Variants in RICTOR observed in about 807,000 individuals in gnomAD.
RICTOR encodes RPTOR independent companion of MTOR complex 2, also known as rapamycin-insensitive companion of mTOR.
Under a neutral mutation model 214.9 loss-of-function variants are expected in RICTOR, and 49 were observed. The observed-to-expected ratio is 0.23, with a 90% CI of 0.18 to 0.29. The LOEUF (loss-of-function observed/expected upper bound fraction) is 0.29. Ranked by LOEUF, RICTOR falls within the 10% of genes least tolerant of loss-of-function variation. RICTOR has a pLI of 1.00. For synonymous variants in RICTOR, 717 were observed against 711.3 expected (o/e 1.01, Z -0.13); for missense variants, 1,625 against 2,047.0 (o/e 0.79, Z 3.98).
intron 7 of RICTOR, among the ~76,000 whole-genome samples, 167 bp downstream of exon 7, chr5:38,990,782 A>ATATATGAGATATATGATATATAT (rs1561503147): frequency 9.4e-6 from 1 of 106,948 alleles, no homozygotes; most frequent in Non-Finnish European, 1.9e-5. Context: ...GATATATATG[A>ATATATGAGATATATGATATATAT]GATATATGAG....
At chr5:39,064,718 T>G (rs1758779379) in intron 2 of RICTOR, among the ~76,000 whole-genome samples, 1 of 152,170 alleles carries the variant, frequency 6.6e-6, no homozygotes, top group Admixed American at 6.5e-5. Context: ...TAATTTAAAT[T>G]TAAAGTGCTA....
At chr5:39,035,937 C>T (rs867262431) in intron 2 of RICTOR, among the ~76,000 whole-genome samples, 4 of 152,234 alleles carry the variant, frequency 2.6e-5, no homozygotes, top group African/African-American at 9.6e-5. Context: ...CAAGGCAGGC[C>T]AACATTCAGA....
chr5:38,999,426 A>T lies in RICTOR; in HGVS notation c.393-2544T>A, dbSNP rs370017059. ...GAAGACAACAACTGAAGCATTGAAAAATAAGTAACTGGTAGTGAAAACAGC... is the reference window on the plus strand; with the variant it reads ...GAAGACAACAACTGAAGCATTGAAATATAAGTAACTGGTAGTGAAAACAGC... On this transcript the variant is annotated intron_variant, in intron 5 of 37. Transcript: ENST00000357387. Among the ~76,000 whole-genome samples the T allele has an allele frequency of 3.9e-5, 6 of 152,250 alleles. No homozygotes were observed. The East Asian group carries it at 1.2e-3, about 29-fold the overall frequency.
intron 2 of RICTOR, among the ~76,000 whole-genome samples, chr5:39,026,465 C>T (rs1160528878): frequency 6.6e-6 from 1 of 152,180 alleles, no homozygotes; most frequent in Non-Finnish European, 1.5e-5. Flanking sequence ...TACAGTGGCT[C>T]TTTTCATCAT....
chr5:38,953,386 C>A, intron 28 of RICTOR, 75 bp downstream of exon 28: 1 of 602,848 alleles, frequency 1.7e-6, no homozygotes. Context: ...AAATATTTAT[C>A]TATTTAGTAT....
intron 22 of RICTOR, 150 bp downstream of exon 22, chr5:38,959,045 C>A: frequency 1.5e-6 from 1 of 663,504 alleles, no homozygotes; most frequent in Non-Finnish European, 2.4e-6. Context: ...AATCTGAGTA[C>A]TATATGCAGT....
rs751211817 is a variant in RICTOR at position 38,938,566 on chromosome 5, G to C, written c.*3738C>G. 24 of 232,558 alleles carry C rather than the reference G, an allele frequency of 1.0e-4. No individual in the cohort carries two copies. The highest frequency in any genetic ancestry group is 1.8e-4 in the Non-Finnish European group (21 of 117,616). 14.4% of individuals were successfully genotyped at this position (232,558 alleles called of 1,614,324 possible). ...TATGCATGCTGTGGTGCAGCTATCC[G>C]ATACTTACATTACAAAAATACTCCA... On this transcript the variant is annotated 3_prime_UTR_variant, in exon 38 of 38. Coordinates refer to ENST00000357387, the MANE Select transcript of RICTOR (RefSeq NM_152756.5).
intron 28 of RICTOR, 42 bp from the exon 29 acceptor site, chr5:38,953,133 T>G (rs780024798): frequency 6.6e-6 from 9 of 1,354,154 alleles, no homozygotes; most frequent in Admixed American, 3.6e-5. Flanking sequence ...TAAGAGTCAC[T>G]CTTTCAAAAG....
At position 39,004,776 on chromosome 5, in the gene RICTOR, C is replaced by CTT. The variant is rs70982534; in HGVS notation, c.196-1156_196-1155dup. On this transcript the variant is annotated intron_variant, in intron 3 of 37. Transcript: ENST00000357387. The stretch of plus-strand genomic sequence containing the variant: ...GCCACCGCACTGGGCCTCTCAGACT[C>CTT]TTTTTTTTTTTTTTTTTTTTTTGAG... 7.6e-3 allele frequency among the ~76,000 whole-genome samples: 804 copies of CTT among 105,634 alleles called. 22 individuals are homozygous for CTT. Among genetic ancestry groups the CTT allele is most frequent in the East Asian group, 0.074 (251 of 3,384 alleles). 69.3% of individuals were successfully genotyped at this position (105,634 alleles called of 152,430 possible). A position where few individuals can be genotyped will look rare whatever the true frequency, so the allele number is the denominator to read the frequency against.
In RICTOR at chr5:38,964,773, C is replaced by T; in HGVS notation, c.1400+19G>A. ...TTAAATATATCAAACAAAAGCTTTGCTAAAGCTCTGATACTTACAGTCTCT... is the reference window on the plus strand; with the variant it reads ...TTAAATATATCAAACAAAAGCTTTGTTAAAGCTCTGATACTTACAGTCTCT... On this transcript the variant is annotated intron_variant, in intron 16 of 37. Coordinates refer to ENST00000357387, the MANE Select transcript of RICTOR (RefSeq NM_152756.5). The T allele has an allele frequency of 6.9e-6, 9 of 1,300,548 alleles. No homozygotes were observed. The highest frequency in any genetic ancestry group is 9.8e-6 in the Non-Finnish European group (9 of 917,926). 80.6% of individuals were successfully genotyped at this position (1,300,548 alleles called of 1,614,324 possible). A position where few individuals can be genotyped will look rare whatever the true frequency, so the allele number is the denominator to read the frequency against.
intron 7 of RICTOR, 130 bp downstream of exon 7, chr5:38,990,803 TATATGAGATATATGAG>T (rs1561503421): frequency 5.6e-5 from 7 of 125,696 alleles, no homozygotes; most frequent in African/African-American, 3.9e-4. Context: ...ATATATGATA[TATATGAGATATATGAG>T]ATATATGATA....
chr5:39,066,672 G>A (rs1387913680), intron 2 of RICTOR, among the ~76,000 whole-genome samples: 1 of 152,148 alleles, frequency 6.6e-6, no homozygotes, highest in Non-Finnish European at 1.5e-5. Flanking sequence ...CTTAGCATGG[G>A]CTGTTAGCAG....
chr5:39,045,351 T>C (rs1757415871), intron 2 of RICTOR, among the ~76,000 whole-genome samples: 1 of 152,210 alleles, frequency 6.6e-6, no homozygotes. Context: ...AATTTCATTA[T>C]AGACTGAAAA....
At chr5:38,989,906 T>C (rs181399567) in intron 7 of RICTOR, among the ~76,000 whole-genome samples, 1 of 152,192 alleles carries the variant, frequency 6.6e-6, no homozygotes, top group South Asian at 2.1e-4. Context: ...TTGGTGGGAC[T>C]GTAAATTAGT....
At chr5:38,949,440 A>G in intron 31 of RICTOR, 1 of 1,576,964 alleles carries the variant, frequency 6.3e-7, no homozygotes. Flanking sequence ...TGCAGAAGCG[A>G]GAAATAAATA....
In RICTOR at chr5:38,991,675, T is replaced by C. The variant is rs547427347; in HGVS notation, c.457-600A>G. On this transcript the variant is annotated intron_variant, in intron 6 of 37. Coordinates refer to ENST00000357387, the MANE Select transcript of RICTOR (RefSeq NM_152756.5). The stretch of plus-strand genomic sequence containing the variant: ...AAGCAGAGTTCATAATCCAAATCTA[T>C]TTTTAATATTTCAAAAATCCTGATG... Among the ~76,000 whole-genome samples the C allele has an allele frequency of 1.8e-4, 28 of 152,224 alleles. No homozygotes were observed. The Middle Eastern group carries it at 0.01, about 55-fold the overall frequency.
chr5:39,065,966 C>T (rs2150213725), intron 2 of RICTOR, among the ~76,000 whole-genome samples: 1 of 152,352 alleles, frequency 6.6e-6, no homozygotes, highest in Non-Finnish European at 1.5e-5. Flanking sequence ...ATTCTGTGGT[C>T]TGGAGGATGG....
chr5:39,044,225 G>A (rs751581565), intron 2 of RICTOR, among the ~76,000 whole-genome samples: 2 of 152,012 alleles, frequency 1.3e-5, no homozygotes, highest in Non-Finnish European at 2.9e-5. Context: ...AAGATTCATT[G>A]AGCAAAACAT....
intron 30 of RICTOR, among the ~76,000 whole-genome samples, chr5:38,951,419 A>C (rs1409787579): frequency 6.6e-6 from 1 of 152,036 alleles, no homozygotes; most frequent in African/African-American, 2.4e-5. Context: ...TACCATTTCT[A>C]TATTTTGTCA....
Sources: allele counts gnomAD v4.1 joint callset (sites outside exome capture counted in the v4.1 genomes callset), GRCh38; gene constraint gnomAD v4.1.1; transcripts MANE v1.5; gene names NCBI Gene and HGNC (gene_info 2026-07-23, HGNC 2026-07-21).